The following CDH20 variants were observed in gnomAD, a reference collection of about 807,000 sequenced individuals.
The protein encoded by CDH20 is cadherin 20.
In CDH20, 29 loss-of-function variants were observed where a neutral mutation model predicts 74.2. The ratio of observed to expected loss-of-function variants is 0.39; its 90% CI spans 0.29 to 0.53. The LOEUF is 0.53. CDH20 is among the 20% of genes least tolerant of loss of function. The pLI is 0.69. For synonymous variants in CDH20, 469 were observed against 405.4 expected, an observed-to-expected ratio of 1.16 and a Z score of -1.88; for missense variants, 988 against 1,048.3, an observed-to-expected ratio of 0.94 and a Z score of 0.79.
At chr18:61,366,896 CTG>C (rs1366506404) in intron 1 of CDH20, among the ~76,000 whole-genome samples, 2 of 152,002 alleles carry the variant, frequency 1.3e-5, no homozygotes, top group Non-Finnish European at 1.5e-5. Context: ...CCTTGAAAAA[CTG>C]TGGGATTATA....
chr18:61,355,036 C>G (rs556317713), intron 1 of CDH20, among the ~76,000 whole-genome samples: 1 of 152,224 alleles, frequency 6.6e-6, no homozygotes, highest in African/African-American at 2.4e-5. Context: ...GCACTCCACC[C>G]TTAGAAGGCC....
intron 1 of CDH20, among the ~76,000 whole-genome samples, chr18:61,444,523 G>C (rs558509796): frequency 1.2e-3 from 190 of 152,250 alleles, no homozygotes; most frequent in African/African-American, 4.2e-3. Flanking sequence ...GTAAATGGAG[G>C]TTCTCAGGCA....
intron 1 of CDH20, among the ~76,000 whole-genome samples, chr18:61,454,563 C>G (rs547975101): frequency 6.6e-6 from 1 of 152,264 alleles, no homozygotes; most frequent in South Asian, 2.1e-4. Flanking sequence ...CTACCTCAGT[C>G]CCTTGCCAAA....
At chr18:61,346,262 G>A (rs1453268943) in intron 1 of CDH20, among the ~76,000 whole-genome samples, 1 of 152,182 alleles carries the variant, frequency 6.6e-6, no homozygotes, top group African/African-American at 2.4e-5. Flanking sequence ...CAGTCATTAA[G>A]TTAGAGGGAT....
chr18:61,396,476 C>A (rs1453912262), intron 1 of CDH20, among the ~76,000 whole-genome samples: 1 of 152,078 alleles, frequency 6.6e-6, no homozygotes, highest in Non-Finnish European at 1.5e-5. Flanking sequence ...TCAAACTCAA[C>A]CTCATCACAG....
chr18:61,495,637 C>T (rs1911110571), intron 2 of CDH20, among the ~76,000 whole-genome samples: 1 of 152,160 alleles, frequency 6.6e-6, no homozygotes, highest in Non-Finnish European at 1.5e-5. Context: ...AGCAGCACTG[C>T]TTCCTCAGGG....
Position 61,539,161 on chromosome 18 carries a change from G to T in CDH20, c.1530+16G>T, listed in dbSNP as rs1443429256. 10 of 1,613,254 alleles carry T rather than the reference G, an allele frequency of 6.2e-6. No individual in the cohort carries two copies. Among genetic ancestry groups the T allele is most frequent in the Non-Finnish European group, 8.5e-6 (10 of 1,179,718 alleles). ...GGCAGGACAGGTAAGGTGGCCTGTG[G>T]GTGGTGCACTCTGCTTAACCCCTAA... On this transcript the variant is annotated intron_variant, in intron 9 of 11. Transcript: ENST00000262717.
At chr18:61,511,038 G>A (rs1205515624) in intron 6 of CDH20, among the ~76,000 whole-genome samples, 3 of 148,390 alleles carry the variant, frequency 2.0e-5, no homozygotes, top group South Asian at 2.1e-4. Flanking sequence ...CCAAGCTGGG[G>A]TGTGGTGGCA....
At chr18:61,435,891 A>G (rs879112335) in intron 1 of CDH20, among the ~76,000 whole-genome samples, 1 of 152,010 alleles carries the variant, frequency 6.6e-6, no homozygotes. Context: ...CAATACCCCA[A>G]AAAGAAACCC....
At chr18:61,373,979 G>A (rs574630022) in intron 1 of CDH20, among the ~76,000 whole-genome samples, 6 of 152,230 alleles carry the variant, frequency 3.9e-5, no homozygotes, top group East Asian at 3.9e-4. Context: ...TGTCTTCGAC[G>A]CTTTGTCAGT....
chr18:61,474,750 T>G (rs1330589568), intron 1 of CDH20, among the ~76,000 whole-genome samples: 1 of 152,102 alleles, frequency 6.6e-6, no homozygotes, highest in Non-Finnish European at 1.5e-5. Context: ...CAGGCTAGCA[T>G]GAAAAGCAAC....
In CDH20 at chr18:61,507,521, A is replaced by C. The variant is rs1424105432; in HGVS notation, c.978A>C (p.Thr326=). ...GDGADAFDIS[T]DPNFQVGIIT... is the part of the protein sequence containing the mutation. ...GTGCAGATGCCTTTGACATTAGCAC[A>C]GATCCCAATTTCCAAGTTGGTATCA... The change falls in exon 6 of 12, where the codon ACA becomes ACC. Residue 326 remains threonine, a synonymous_variant. Transcript: ENST00000262717. 1.9e-6 allele frequency: 3 copies of C among 1,610,498 alleles called. No homozygotes were observed. Among genetic ancestry groups the C allele is most frequent in the African/African-American group, 1.3e-5 (1 of 74,844 alleles).
At chr18:61,534,315 G>A (rs545084554) in intron 7 of CDH20, among the ~76,000 whole-genome samples, 1 of 152,190 alleles carries the variant, frequency 6.6e-6, no homozygotes, top group Non-Finnish European at 1.5e-5. Flanking sequence ...GTAGAAAACA[G>A]TATGGAGGTT....
At chr18:61,413,728 T>C (rs886350971) in intron 1 of CDH20, among the ~76,000 whole-genome samples, 1 of 151,600 alleles carries the variant, frequency 6.6e-6, no homozygotes, top group East Asian at 1.9e-4. Flanking sequence ...AAAAAAAAAA[T>C]TGCAGGGAAA....
In CDH20 at chr18:61,517,376, T is replaced by C. The variant is rs185690204; in HGVS notation, c.1017+9816T>C. On this transcript the variant is annotated intron_variant, in intron 6 of 11. Transcript: ENST00000262717. ...AAGGCAGGTGATTTCTGCATTTCCA[T>C]CTGAGGTACCCGGCTCATCTCAATG... Among the ~76,000 whole-genome samples, 23 of 152,312 alleles carry C rather than the reference T, an allele frequency of 1.5e-4. No homozygotes were observed. In the East Asian group the frequency reaches 4.4e-3, roughly 29 times the overall value.
At chr18:61,489,535 A>T (rs1253092079) in intron 1 of CDH20, among the ~76,000 whole-genome samples, 2 of 151,584 alleles carry the variant, frequency 1.3e-5, no homozygotes, top group African/African-American at 2.4e-5. Context: ...AAGTGAGGTC[A>T]CCAGCTAAAT....
At chr18:61,489,756 A>G (rs1381783596) in intron 1 of CDH20, among the ~76,000 whole-genome samples, 42 of 152,156 alleles carry the variant, frequency 2.8e-4, no homozygotes, top group Admixed American at 2.7e-3. Context: ...TGGAAAGGTC[A>G]CATTAGCAGC....
intron 6 of CDH20, among the ~76,000 whole-genome samples, chr18:61,509,235 A>G (rs989189303): frequency 6.6e-6 from 1 of 152,222 alleles, no homozygotes; most frequent in African/African-American, 2.4e-5. Flanking sequence ...AAACAAAATT[A>G]AATAAATAAA....
At chr18:61,392,594 A>C (rs1311066064) in intron 1 of CDH20, among the ~76,000 whole-genome samples, 1 of 152,162 alleles carries the variant, frequency 6.6e-6, no homozygotes, top group Non-Finnish European at 1.5e-5. Context: ...CATGCTGAGC[A>C]CAAGGACCAT....
Sources: gnomAD v4.1 joint callset for allele counts (sites outside exome capture counted in the v4.1 genomes callset) on GRCh38, gnomAD v4.1.1 for gene constraint, MANE v1.5 for transcripts, NCBI Gene and HGNC (gene_info 2026-07-23, HGNC 2026-07-21) for gene names.